RSPH14: variants seen among roughly 807,000 people sequenced by gnomAD.
RSPH14 encodes the protein radial spoke head 14 homolog.
Under a neutral mutation model 26.7 loss-of-function variants are expected in RSPH14, and 20 were observed. The observed-to-expected ratio is 0.75, with a 90% CI of 0.53 to 1.09. RSPH14 has a LOEUF of 1.09. Among genes scored for constraint, RSPH14 ranks in the 50% least tolerant of loss-of-function variants. The probability of loss-of-function intolerance (pLI) is 0.00; values close to 1 mark genes in which losing one functional copy is unlikely to be tolerated. For synonymous variants in RSPH14, 177 were observed against 189.3 expected, an observed-to-expected ratio of 0.93 and a Z score of 0.53; for missense variants, 449 against 457.2, an observed-to-expected ratio of 0.98 and a Z score of 0.16.
the RSPH14 span, chr22:23,152,942 T>TA: frequency 1.5e-5 from 14 of 918,602 alleles, no homozygotes; most frequent in Non-Finnish European, 1.9e-5. Flanking sequence ...AAGTGGACCT[T>TA]ATTTGCCTAA....
chr22:23,123,516 G>A, intron 4 of RSPH14: 1 of 825,336 alleles, frequency 1.2e-6, no homozygotes, highest in Non-Finnish European at 1.9e-6. Flanking sequence ...CCAATCCAGG[G>A]GCAGAAAACA....
chr22:23,092,907 G>A (rs2069025120), intron 4 of RSPH14, among the ~76,000 whole-genome samples: 1 of 152,230 alleles, frequency 6.6e-6, no homozygotes, highest in South Asian at 2.1e-4. Context: ...CACTGGGTTG[G>A]ACACTGCCTT....
Position 23,059,646 on chromosome 22 carries a change from G to A in RSPH14, c.863C>T (p.Ala288Val), listed in dbSNP as rs756184087. 1.7e-5 allele frequency: 27 copies of A among 1,605,066 alleles called. No homozygotes were observed. The highest frequency in any genetic ancestry group is 3.4e-4 in the Middle Eastern group (2 of 5,880). ...LELLHSPMTI[A>V]RLNATKALTM... Reference sequence around the variant, plus strand: ...AAGGGCCTTGGTGGCATTCAGGCGCGCTATGGTCATGGGGGAGTGCAGCAG... The same window carrying A: ...AAGGGCCTTGGTGGCATTCAGGCGCACTATGGTCATGGGGGAGTGCAGCAG... The change falls in exon 7 of 7, where the codon GCG becomes GTG. Residue 288 changes from alanine to valine, a missense_variant. Physicochemically the swap from Ala to Val is moderately conservative, Grantham distance 64 (BLOSUM62 0). Coordinates refer to ENST00000216036, the MANE Select transcript of RSPH14 (RefSeq NM_014433.3).
the RSPH14 span, among the ~76,000 whole-genome samples, chr22:23,177,953 C>A: frequency 3.9e-5 from 6 of 152,154 alleles, no homozygotes. Flanking sequence ...GCACGAGGCA[C>A]CATGCCAGGC....
chr22:23,096,303 G>T, intron 4 of RSPH14: 1 of 1,614,042 alleles, frequency 6.2e-7, no homozygotes, highest in South Asian at 1.1e-5. Flanking sequence ...GTGGACGTGG[G>T]GGGGCAGAGG....
chr22:23,070,249 G>A lies in RSPH14; in HGVS notation c.422-6116C>T, dbSNP rs569490501. 29 of 149,164 alleles carry A rather than the reference G, an allele frequency of 1.9e-4. No homozygotes were observed. In the East Asian group the frequency reaches 5.1e-3, roughly 26 times the overall value. The allele number at this position is 149,164 out of a possible 1,614,324, so 9.2% of individuals were successfully genotyped here. A position where few individuals can be genotyped will look rare whatever the true frequency, so the allele number is the denominator to read the frequency against. On this transcript the variant is annotated intron_variant, in intron 4 of 6. Transcript: ENST00000216036. ...GTGCCCGGCGCGTGGTGCCCGGCGG[G>A]CGCGCGGCACCCCCCCGCCCGCGGT... is the stretch of plus-strand genomic sequence containing the variant.
At chr22:23,107,005 A>G (rs1408636142) in intron 4 of RSPH14, among the ~76,000 whole-genome samples, 1 of 152,244 alleles carries the variant, frequency 6.6e-6, no homozygotes, top group Non-Finnish European at 1.5e-5. Context: ...ACTGCTGCGG[A>G]AGGCAGGGAG....
Position 23,059,614 on chromosome 22 carries a change from G to A in RSPH14, c.895C>T (p.Leu299=), listed in dbSNP as rs772710079. ...RLNATKALTM[L]AEAPEGRKAL... ...TTGCGGCCCTCGGGGGCCTCTGCCA[G>A]CATGGTAAGGGCCTTGGTGGCATTC... Residue 299 remains leucine (L), a synonymous_variant, in exon 7 of 7, where the codon CTG becomes TTG. Coordinates refer to ENST00000216036, the MANE Select transcript of RSPH14 (RefSeq NM_014433.3). The A allele has an allele frequency of 6.2e-7, 1 of 1,613,066 alleles. No individual in the cohort carries two copies. The highest frequency in any genetic ancestry group is 1.7e-5 in the Admixed American group (1 of 59,772).
At chr22:23,172,283 T>G in the RSPH14 span, among the ~76,000 whole-genome samples, 1 of 151,982 alleles carries the variant, frequency 6.6e-6, no homozygotes. Context: ...CCTATAGTGA[T>G]GGTGCGCGTA....
At chr22:23,167,674 C>T in the RSPH14 span, among the ~76,000 whole-genome samples, 10 of 152,210 alleles carry the variant, frequency 6.6e-5, no homozygotes, top group Admixed American at 2.0e-4. Context: ...TAAATTGACA[C>T]GTTCACTCAT....
At chr22:23,145,271 C>G, upstream of RSPH14, 1 of 1,237,866 alleles carries the variant, frequency 8.1e-7, no homozygotes, top group Non-Finnish European at 1.1e-6. Flanking sequence ...CATCCAGCAC[C>G]GCCCTTGTTG....
At chr22:23,170,142 C>T in the RSPH14 span, among the ~76,000 whole-genome samples, 1 of 151,806 alleles carries the variant, frequency 6.6e-6, no homozygotes, top group South Asian at 2.1e-4. Context: ...GTGCAGTTCC[C>T]CAAAAAGTAA....
chr22:23,085,676 G>A (rs1438593528), intron 4 of RSPH14, among the ~76,000 whole-genome samples: 3 of 152,182 alleles, frequency 2.0e-5, no homozygotes, highest in Admixed American at 6.5e-5. Flanking sequence ...ACCAGTACCA[G>A]TGCCTCCGCC....
At chr22:23,131,650 A>T (rs1458304186) in intron 4 of RSPH14, 1 of 1,303,484 alleles carries the variant, frequency 7.7e-7, no homozygotes, top group South Asian at 1.2e-5. Context: ...GAATGAGGGG[A>T]CTAGACCCTC....
At chr22:23,146,702 T>A (rs1245587857), upstream of RSPH14, 1 of 1,612,834 alleles carries the variant, frequency 6.2e-7, no homozygotes, top group Admixed American at 1.7e-5. Context: ...AGTCATTACG[T>A]CTGCAGTGCT....
chr22:23,140,076 T>C, intron 2 of RSPH14, 146 bp downstream of exon 2: 1 of 967,506 alleles, frequency 1.0e-6, no homozygotes, highest in Non-Finnish European at 1.5e-6. Context: ...AAACATTTTT[T>C]AAAAAGAACC....
chr22:23,073,136 G>A (rs2068420416), intron 4 of RSPH14, among the ~76,000 whole-genome samples: 1 of 152,268 alleles, frequency 6.6e-6, no homozygotes, highest in Non-Finnish European at 1.5e-5. Context: ...AAGACGGTGT[G>A]TGGTGGCAAA....
the RSPH14 span, among the ~76,000 whole-genome samples, chr22:23,174,793 ACC>A: frequency 2.6e-5 from 4 of 151,766 alleles, no homozygotes; most frequent in African/African-American, 7.3e-5. Context: ...ACATGGAGAA[ACC>A]CCGTTTCTAC....
At position 23,060,586 on chromosome 22, in the gene RSPH14, C is replaced by A. The variant is rs140181447; in HGVS notation, c.791-868G>T. 5.9e-5 allele frequency among the ~76,000 whole-genome samples: 9 copies of A among 152,342 alleles called. No homozygotes were observed. The East Asian group carries it at 1.7e-3, about 29-fold the overall frequency. ...AGATGCCCTCCTCAACCATTCGCTGCCCCTTTCTGCTGTCCTTGCCGGCCC... is the reference window on the plus strand; with the variant it reads ...AGATGCCCTCCTCAACCATTCGCTGACCCTTTCTGCTGTCCTTGCCGGCCC... On this transcript the variant is annotated intron_variant, in intron 6 of 6. Transcript: ENST00000216036.
Sources: allele counts gnomAD v4.1 joint callset (sites outside exome capture counted in the v4.1 genomes callset), GRCh38; gene constraint gnomAD v4.1.1; transcripts MANE v1.5; gene names NCBI Gene and HGNC (gene_info 2026-07-23, HGNC 2026-07-21).